PLXNA4: variants seen among roughly 807,000 people sequenced by gnomAD.
PLXNA4 encodes the protein plexin A4, also known as plexin-A4.
A neutral mutation model predicts 191.8 loss-of-function variants in PLXNA4; 44 were observed. The observed-to-expected ratio is 0.23, with a 90% CI of 0.18 to 0.29. The LOEUF (loss-of-function observed/expected upper bound fraction) is 0.29, where lower values mean the gene tolerates loss of function less well. PLXNA4 is among the 10% of genes least tolerant of loss of function. The probability of loss-of-function intolerance (pLI) is 1.00; values close to 1 mark genes in which losing one functional copy is unlikely to be tolerated. For missense variants in PLXNA4, 1,800 were observed against 2,488.8 expected (o/e 0.72, Z 5.89); for synonymous variants, 1,082 against 1,009.5 (o/e 1.07, Z -1.36).
chr7:132,495,145 C>G (rs1484163703), intron 2 of PLXNA4, among the ~76,000 whole-genome samples: 1 of 152,232 alleles, frequency 6.6e-6, no homozygotes, highest in Admixed American at 6.5e-5. Context: ...TGACCCCAGC[C>G]TGCACAGCCC....
intron 4 of PLXNA4, among the ~76,000 whole-genome samples, chr7:132,262,479 T>G (rs1799683154): frequency 6.6e-6 from 1 of 150,384 alleles, no homozygotes; most frequent in African/African-American, 2.5e-5. Flanking sequence ...ATGGAGGGGG[T>G]AAAGAGGGGA....
At chr7:132,359,553 T>C (rs1428376860) in intron 3 of PLXNA4, among the ~76,000 whole-genome samples, 1 of 152,206 alleles carries the variant, frequency 6.6e-6, no homozygotes, top group Non-Finnish European at 1.5e-5. Context: ...TCACTTCATT[T>C]GACTGTGGCA....
At position 132,585,442 on chromosome 7, in the gene PLXNA4, A is replaced by G. The variant is rs367747854; in HGVS notation, c.-87+60486T>C. ...CATTCCAGTTTTGCAAAAGGGGAAAATAATGTGAGTTCTGAAAAACACAAA... is the reference window on the plus strand; with the variant it reads ...CATTCCAGTTTTGCAAAAGGGGAAAGTAATGTGAGTTCTGAAAAACACAAA... On this transcript the variant is annotated intron_variant, in intron 2 of 4. Coordinates refer to the PLXNA4 transcript ENST00000378539. Among the ~76,000 whole-genome samples, 4 of 152,320 alleles carry G rather than the reference A, an allele frequency of 2.6e-5. No individual in the cohort carries two copies. The East Asian group carries it at 7.7e-4, about 29-fold the overall frequency.
intron 9 of PLXNA4, among the ~76,000 whole-genome samples, chr7:132,218,137 G>T (rs1399698467): frequency 6.6e-6 from 1 of 152,174 alleles, no homozygotes; most frequent in Non-Finnish European, 1.5e-5. Context: ...GGCAGCCCAT[G>T]AGCTAGGACT....
chr7:132,480,711 C>A (rs1327562367), intron 3 of PLXNA4, among the ~76,000 whole-genome samples: 1 of 152,226 alleles, frequency 6.6e-6, no homozygotes, highest in African/African-American at 2.4e-5. Context: ...AAAAGCACAG[C>A]TCGGCTGCCT....
In PLXNA4 at chr7:132,379,128, G is replaced by A. The variant is rs186889096; in HGVS notation, c.1372-80906C>T. On this transcript the variant is annotated intron_variant, in intron 3 of 31. Coordinates refer to ENST00000321063, the MANE Select transcript of PLXNA4 (RefSeq NM_020911.2). ...AGCCTCCCAAAGTGCTGGGATTACAGGCATGAGCAACCGTGCTCGGCCAGA... is the reference window on the plus strand; with the variant it reads ...AGCCTCCCAAAGTGCTGGGATTACAAGCATGAGCAACCGTGCTCGGCCAGA... Among the ~76,000 whole-genome samples the A allele has an allele frequency of 5.9e-4, 90 of 152,302 alleles. 1 individual carries two copies. Among genetic ancestry groups the A allele is most frequent in the African/African-American group, 2.0e-3 (85 of 41,556 alleles).
intron 25 of PLXNA4, among the ~76,000 whole-genome samples, chr7:132,151,022 G>A (rs541418366): frequency 2.2e-4 from 34 of 152,298 alleles, no homozygotes; most frequent in Admixed American, 7.8e-4. Flanking sequence ...CAAAAAGTCA[G>A]GAATGTTTTC....
chr7:132,388,534 T>C (rs570786756), intron 3 of PLXNA4, among the ~76,000 whole-genome samples: 1 of 151,996 alleles, frequency 6.6e-6, no homozygotes, highest in East Asian at 1.9e-4. Flanking sequence ...CAATTTTGGT[T>C]CAGAAAAAAA....
At chr7:132,388,493 TTATTG>T (rs754718787) in intron 3 of PLXNA4, among the ~76,000 whole-genome samples, 9 of 152,188 alleles carry the variant, frequency 5.9e-5, no homozygotes, top group Non-Finnish European at 1.2e-4. Flanking sequence ...TTTGTACTTA[TTATTG>T]TATTGTAATA....
intron 24 of PLXNA4, among the ~76,000 whole-genome samples, chr7:132,160,727 T>C (rs542770517): frequency 2.2e-4 from 33 of 152,204 alleles, no homozygotes; most frequent in Admixed American, 3.9e-4. Flanking sequence ...GAACTTTCAC[T>C]CCCTCTGTGC....
At chr7:132,310,273 C>T (rs772501597) in intron 3 of PLXNA4, among the ~76,000 whole-genome samples, 9 of 152,206 alleles carry the variant, frequency 5.9e-5, no homozygotes, top group East Asian at 5.8e-4. Context: ...AATATACATA[C>T]GTGCCTGTGA....
chr7:132,464,783 A>T (rs1796638119), intron 3 of PLXNA4, among the ~76,000 whole-genome samples: 1 of 152,212 alleles, frequency 6.6e-6, no homozygotes. Context: ...CCAGTGGTGT[A>T]GGCATTCTAT....
intron 3 of PLXNA4, among the ~76,000 whole-genome samples, chr7:132,387,917 C>G (rs1805225487): frequency 6.6e-6 from 1 of 152,046 alleles, no homozygotes; most frequent in Non-Finnish European, 1.5e-5. Flanking sequence ...GCTCTGTCTC[C>G]AGCATAGAGC....
intron 20 of PLXNA4, among the ~76,000 whole-genome samples, chr7:132,178,287 G>A (rs1796543449): frequency 6.6e-6 from 1 of 151,958 alleles, no homozygotes; most frequent in Non-Finnish European, 1.5e-5. Context: ...CAGGTATGGA[G>A]GCTGCTCTAG....
At chr7:132,441,952 T>C (rs1795714944) in intron 3 of PLXNA4, among the ~76,000 whole-genome samples, 2 of 152,190 alleles carry the variant, frequency 1.3e-5, no homozygotes, top group South Asian at 2.1e-4. Flanking sequence ...TGAAGTGGCA[T>C]GCCACCAATG....
intron 2 of PLXNA4, among the ~76,000 whole-genome samples, chr7:132,638,950 G>A (rs550351595): frequency 1.3e-4 from 20 of 152,070 alleles, no homozygotes; most frequent in Non-Finnish European, 2.4e-4. Flanking sequence ...CAAGTCTCCA[G>A]ATATTCCTAA....
At chr7:132,499,275 G>T (rs1798152234) in intron 2 of PLXNA4, among the ~76,000 whole-genome samples, 1 of 152,270 alleles carries the variant, frequency 6.6e-6, no homozygotes, top group Admixed American at 6.5e-5. Flanking sequence ...ACAGGGCCAT[G>T]CCCTGGGAAT....
chr7:132,414,587 C>A (rs1184908099), intron 3 of PLXNA4, among the ~76,000 whole-genome samples: 1 of 152,134 alleles, frequency 6.6e-6, no homozygotes, highest in East Asian at 1.9e-4. Flanking sequence ...TGTAAAATAT[C>A]TGCTTATTTC....
At chr7:132,534,115 C>T (rs1007578983) in intron 1 of PLXNA4, among the ~76,000 whole-genome samples, 12 of 152,002 alleles carry the variant, frequency 7.9e-5, no homozygotes, top group Non-Finnish European at 1.5e-4. Context: ...AAGAAGAAGC[C>T]GCAGCTTGAG....
Sources: gnomAD v4.1 joint callset for allele counts (sites outside exome capture counted in the v4.1 genomes callset) on GRCh38, gnomAD v4.1.1 for gene constraint, MANE v1.5 for transcripts, NCBI Gene and HGNC (gene_info 2026-07-23, HGNC 2026-07-21) for gene names.